Variants in EP400 observed in about 807,000 individuals in gnomAD.
The protein encoded by EP400 is E1A binding protein p400.
Under a neutral mutation model 354.1 loss-of-function variants are expected in EP400, and 105 were observed. The ratio of observed to expected loss-of-function variants is 0.30; its 90% confidence interval spans 0.25 to 0.35. The LOEUF (loss-of-function observed/expected upper bound fraction) is 0.35. EP400 is among the 10% of genes least tolerant of loss of function. The pLI is 1.00. For missense variants in EP400, 3,280 were observed against 4,121.0 expected (o/e 0.80, Z 5.59); for synonymous variants, 1,646 against 1,716.9 (o/e 0.96, Z 1.02).
intron 1 of EP400, among the ~76,000 whole-genome samples, chr12:131,953,974 G>A (rs1891605442): frequency 6.6e-6 from 1 of 152,104 alleles, no homozygotes; most frequent in African/African-American, 2.4e-5. Flanking sequence ...TTAGCCGGTT[G>A]TGGTGGCTCA....
chr12:132,059,556 A>C (rs990795376), intron 45 of EP400, among the ~76,000 whole-genome samples: 2 of 152,246 alleles, frequency 1.3e-5, no homozygotes, highest in African/African-American at 4.8e-5. Context: ...ACTTCTGAGA[A>C]TCTCCACAAA....
rs1160687949 is a variant in EP400, at chr12:132,062,191, C to T, written c.7966C>T (p.Pro2656Ser). ...AGTCGGCTCCCCAGCCACGGCGACC[C>T]CTGACCTGGTGTCCATGGCAACGAC... ...RAVGSPATAT[P>S]DLVSMATTQG... Residue 2656 changes from proline (P) to serine (S), a missense_variant, in exon 46 of 53, where the codon CCT (proline) becomes TCT (serine). Around this residue, in one of 20 missense-constraint regions of EP400, gnomAD observed 255 missense variants for 295.9 expected, o/e 0.86. Coordinates refer to ENST00000389561, the MANE Select transcript of EP400 (RefSeq NM_015409.5). 1 of 1,614,000 alleles carries T rather than the reference C, an allele frequency of 6.2e-7. No individual in the cohort carries two copies. The highest frequency in any genetic ancestry group is 8.5e-7 in the Non-Finnish European group (1 of 1,180,012).
chr12:132,012,117 A>C (rs1893787881), intron 16 of EP400, among the ~76,000 whole-genome samples: 1 of 152,198 alleles, frequency 6.6e-6, no homozygotes, highest in Non-Finnish European at 1.5e-5. Flanking sequence ...TAGGTCACTG[A>C]AGGTAGATTC....
intron 5 of EP400, among the ~76,000 whole-genome samples, chr12:131,984,031 G>C (rs1197982363): frequency 1.3e-5 from 2 of 152,024 alleles, no homozygotes; most frequent in African/African-American, 4.8e-5. Context: ...CTCCCGAGTA[G>C]CTGGGATTAT....
intron 12 of EP400, among the ~76,000 whole-genome samples, 180 bp from the exon 13 acceptor site, chr12:132,004,897 G>C (rs1375449336): frequency 6.6e-6 from 1 of 152,206 alleles, no homozygotes; most frequent in Non-Finnish European, 1.5e-5. Context: ...GAAAAAACAA[G>C]TGTGCTTTTA....
At position 131,986,525 on chromosome 12, in the gene EP400, G is replaced by A. The variant is rs113780572; in HGVS notation, c.1941G>A (p.Ser647=). ...CCCTGCCCTTACAGATGGTAGCATC[G>A]ACAAGGCTCCCTGTGGACCCTGCCC... ...QLSSLPQMVA[S]TRLPVDPAPP... is the part of the protein sequence containing the mutation. The change falls in exon 6 of 53, where the codon TCG becomes TCA. Residue 647 remains serine, a synonymous_variant. Transcript: ENST00000389561. 2.7e-5 allele frequency: 43 copies of A among 1,603,102 alleles called. No individual in the cohort carries two copies. The highest frequency in any genetic ancestry group is 8.0e-5 in the African/African-American group (6 of 74,838).
chr12:132,064,276 C>A (rs1391428227), intron 47 of EP400, among the ~76,000 whole-genome samples: 1 of 152,232 alleles, frequency 6.6e-6, no homozygotes, highest in Non-Finnish European at 1.5e-5. Context: ...AGTTCACTTC[C>A]AGCATTTCAA....
Position 132,030,122 on chromosome 12 carries a change from A to G in EP400, c.5718A>G (p.Val1906=), listed in dbSNP as rs753225803. The G allele has an allele frequency of 2.1e-5, 34 of 1,614,114 alleles. No individual in the cohort carries two copies. The highest frequency in any genetic ancestry group is 2.7e-5 in the Non-Finnish European group (32 of 1,180,046). The part of the protein sequence containing the change: ...MFLNFHYLTY[V]RIDENASSEQ... ...TGAACTTCCATTACCTCACCTATGTAAGAATCGATGAAAATGCCAGCAGTG... is the reference window on the plus strand; with the variant it reads ...TGAACTTCCATTACCTCACCTATGTGAGAATCGATGAAAATGCCAGCAGTG... The change falls in exon 29 of 53, where the codon GTA becomes GTG. Residue 1906 remains valine, a synonymous_variant. Transcript: ENST00000389561.
chr12:132,051,361 G>GCTGGGA (rs1454789563), intron 41 of EP400, among the ~76,000 whole-genome samples: 4 of 152,170 alleles, frequency 2.6e-5, no homozygotes, highest in African/African-American at 9.7e-5. Flanking sequence ...ATAAAAGACA[G>GCTGGGA]CTGGGACTGG....
At chr12:132,037,902 G>A (rs775208287) in intron 31 of EP400, 51 bp from the exon 32 acceptor site, 3 of 1,613,296 alleles carry the variant, frequency 1.9e-6, no homozygotes, top group Non-Finnish European at 2.5e-6. Flanking sequence ...GCTGAGGTCA[G>A]ATGCACACTT....
At chr12:132,000,612 A>AT (rs902689072) in intron 12 of EP400, among the ~76,000 whole-genome samples, 3 of 152,240 alleles carry the variant, frequency 2.0e-5, no homozygotes, top group African/African-American at 7.2e-5. Flanking sequence ...GTCAGTTTTC[A>AT]TTTTATGTAT....
rs147478261 is a variant in EP400, at chr12:131,950,586, G to A, written c.-36+550G>A. 2.2e-3 allele frequency among the ~76,000 whole-genome samples: 328 copies of A among 152,174 alleles called. 1 individual carries two copies. The highest frequency in any genetic ancestry group is 7.6e-3 in the African/African-American group (315 of 41,448). On this transcript the variant is annotated intron_variant, in intron 1 of 52. Transcript: ENST00000389561. ...GCGCCGCCACAGGGGTTACAGTGAG[G>A]TCCGAATCCGCTCCTTCTCGGCGTA...
intron 23 of EP400, among the ~76,000 whole-genome samples, chr12:132,022,999 G>A (rs1037565701): frequency 1.3e-5 from 2 of 152,014 alleles, no homozygotes; most frequent in Non-Finnish European, 2.9e-5. Flanking sequence ...ATTGAAGCTA[G>A]TTATTTTTTT....
chr12:132,005,247 CTT>C (rs989597010), intron 13 of EP400, 63 bp downstream of exon 13: 296 of 1,200,412 alleles, frequency 2.5e-4, no homozygotes, highest in Middle Eastern at 1.3e-3. Flanking sequence ...CTTACAAAGA[CTT>C]AAAATAAGAT....
At chr12:131,997,763 G>T (rs1343283124) in intron 12 of EP400, among the ~76,000 whole-genome samples, 4 of 151,982 alleles carry the variant, frequency 2.6e-5, no homozygotes, top group African/African-American at 7.2e-5. Flanking sequence ...AGGGGAAGGG[G>T]TTGGTCCTGC....
Position 132,041,295 on chromosome 12 carries a change from T to G in EP400, c.6208-2009T>G, listed in dbSNP as rs140887856. Among the ~76,000 whole-genome samples the G allele has an allele frequency of 2.7e-3, 406 of 152,326 alleles. 2 individuals carry two copies. The highest frequency in any genetic ancestry group is 4.6e-3 in the Non-Finnish European group (312 of 68,024). Reference sequence around the variant, plus strand: ...ATGCAAAAACAAAACATACAGCAAGTGTACACATTACAAAGATTCCAGCTG... The same window carrying G: ...ATGCAAAAACAAAACATACAGCAAGGGTACACATTACAAAGATTCCAGCTG... On this transcript the variant is annotated intron_variant, in intron 32 of 52. Coordinates refer to ENST00000389561, the MANE Select transcript of EP400 (RefSeq NM_015409.5).
At chr12:132,045,068 T>C in intron 37 of EP400, 115 bp downstream of exon 37, 3 of 1,462,774 alleles carry the variant, frequency 2.1e-6, no homozygotes, top group Non-Finnish European at 2.7e-6. Flanking sequence ...GCTGCAGGGC[T>C]AGCGATCACA....
chr12:132,000,784 T>C (rs1042143247), intron 12 of EP400, among the ~76,000 whole-genome samples: 1 of 152,270 alleles, frequency 6.6e-6, no homozygotes, highest in African/African-American at 2.4e-5. Flanking sequence ...GATTAAGTGT[T>C]AAATTCCAGT....
At position 132,067,321 on chromosome 12, in the gene EP400, T is replaced by G. The variant is rs772268829; in HGVS notation, c.8750-41T>G. 5.0e-6 allele frequency: 8 copies of G among 1,598,760 alleles called. No homozygotes were observed. Among genetic ancestry groups the G allele is most frequent in the Non-Finnish European group, 4.3e-6 (5 of 1,170,622 alleles). On this transcript the variant is annotated intron_variant, in intron 49 of 52. Transcript: ENST00000389561. The surrounding 1 kb of genome is among the most constrained non-coding windows in gnomAD (Gnocchi z 5.3). ...AGAGCTTGGCGTGAGCCTCAAGCTCTTTTCCCAGTGTGCTGACTAAGGGGC... is the reference window on the plus strand; with the variant it reads ...AGAGCTTGGCGTGAGCCTCAAGCTCGTTTCCCAGTGTGCTGACTAAGGGGC...
Sources: gnomAD v4.1 joint callset for allele counts (sites outside exome capture counted in the v4.1 genomes callset) on GRCh38, gnomAD v4.1.1 for gene constraint, gnomAD v4.1.1 regional missense constraint, Gnocchi (gnomAD v3.1) non-coding constraint, MANE v1.5 for transcripts, NCBI Gene and HGNC (gene_info 2026-07-23, HGNC 2026-07-21) for gene names.